The following LUZP2 variants were observed in gnomAD, a reference collection of about 807,000 sequenced individuals.
The protein encoded by LUZP2 is leucine zipper protein 2.
Under a neutral mutation model 51.6 loss-of-function variants are expected in LUZP2, and 52 were observed. That is an observed-to-expected ratio of 1.01 (90% CI 0.81 to 1.27). The LOEUF (loss-of-function observed/expected upper bound fraction) is 1.27. LUZP2 is among the 50% of genes most tolerant of loss of function. LUZP2 has a pLI of 0.00. For missense variants in LUZP2, 436 were observed against 395.4 expected (o/e 1.10, Z -0.87); for synonymous variants, 154 against 137.3 (o/e 1.12, Z -0.85).
chr11:24,526,038 T>G (rs1331814774), intron 1 of LUZP2, among the ~76,000 whole-genome samples: 1 of 151,548 alleles, frequency 6.6e-6, no homozygotes, highest in African/African-American at 2.4e-5. Flanking sequence ...ACTGAGGTAC[T>G]TTCAATATTT....
At chr11:24,973,505 T>A (rs1226404038) in intron 7 of LUZP2, among the ~76,000 whole-genome samples, 2 of 151,952 alleles carry the variant, frequency 1.3e-5, no homozygotes, top group African/African-American at 4.8e-5. Flanking sequence ...TTGCTCTTGG[T>A]CCTCTAGTTC....
chr11:24,579,622 T>C (rs1328721840), intron 1 of LUZP2, among the ~76,000 whole-genome samples: 1 of 152,104 alleles, frequency 6.6e-6, no homozygotes, highest in Non-Finnish European at 1.5e-5. Context: ...AATTCTGTGA[T>C]CATGATCATA....
At chr11:24,788,896 A>G (rs959489395) in intron 5 of LUZP2, among the ~76,000 whole-genome samples, 4 of 152,130 alleles carry the variant, frequency 2.6e-5, no homozygotes, top group East Asian at 3.9e-4. Flanking sequence ...ATGAAGGGCA[A>G]TCTCTTTACT....
At chr11:24,995,332 G>C (rs1834099377) in intron 9 of LUZP2, among the ~76,000 whole-genome samples, 1 of 152,172 alleles carries the variant, frequency 6.6e-6, no homozygotes, top group South Asian at 2.1e-4. Context: ...GGCAGAGATT[G>C]CAGTGAGCAC....
intron 7 of LUZP2, among the ~76,000 whole-genome samples, chr11:24,963,479 C>A (rs1285444354): frequency 7.2e-5 from 11 of 152,320 alleles, no homozygotes; most frequent in Non-Finnish European, 1.5e-4. Flanking sequence ...GCGGGTGCCC[C>A]TCCCCCAGCC....
intron 1 of LUZP2, among the ~76,000 whole-genome samples, chr11:24,627,370 G>T (rs1262621495): frequency 6.6e-6 from 1 of 152,184 alleles, no homozygotes; most frequent in Non-Finnish European, 1.5e-5. Flanking sequence ...GGCCAGAAAT[G>T]TCAGTGCTCA....
chr11:24,819,514 T>C (rs1279257296), intron 5 of LUZP2, among the ~76,000 whole-genome samples: 1 of 152,152 alleles, frequency 6.6e-6, no homozygotes, highest in African/African-American at 2.4e-5. Flanking sequence ...GAAATCTCTA[T>C]AGGAATACAC....
At chr11:24,709,427 T>A (rs1461580270) in intron 1 of LUZP2, among the ~76,000 whole-genome samples, 8 of 152,146 alleles carry the variant, frequency 5.3e-5, no homozygotes, top group Non-Finnish European at 1.0e-4. Flanking sequence ...AAGGTATTTT[T>A]AAAATATATG....
intron 1 of LUZP2, among the ~76,000 whole-genome samples, chr11:24,661,911 AG>A (rs1856034117): frequency 6.6e-6 from 1 of 152,098 alleles, no homozygotes. Context: ...CACAAAGGAG[AG>A]GGGAGGCAGC....
intron 1 of LUZP2, among the ~76,000 whole-genome samples, chr11:24,679,407 T>C (rs1202215486): frequency 1.3e-5 from 2 of 152,022 alleles, no homozygotes; most frequent in Non-Finnish European, 2.9e-5. Context: ...ATTTTCTTAA[T>C]TATTTTTATT....
At chr11:24,716,331 C>G (rs1052861902) in intron 1 of LUZP2, among the ~76,000 whole-genome samples, 1 of 152,114 alleles carries the variant, frequency 6.6e-6, no homozygotes, top group African/African-American at 2.4e-5. Flanking sequence ...GTTCAACATA[C>G]TCTTGGAGGA....
chr11:24,898,549 G>A lies in LUZP2; in HGVS notation c.397-7442G>A, dbSNP rs543348506. Among the ~76,000 whole-genome samples the A allele has an allele frequency of 1.4e-4, 21 of 152,110 alleles. No individual in the cohort carries two copies. In the South Asian group the frequency reaches 3.1e-3, roughly 23 times the overall value. ...GAGGCAGGAGAATGGCATGAACTTG[G>A]GAAGCAGAGCTTACAGTGAGCCCAG... On this transcript the variant is annotated intron_variant, in intron 5 of 11. Transcript: ENST00000336930.
intron 4 of LUZP2, among the ~76,000 whole-genome samples, chr11:24,759,619 T>A (rs1859908522): frequency 6.6e-6 from 1 of 152,084 alleles, no homozygotes; most frequent in Non-Finnish European, 1.5e-5. Context: ...ATGGTATCAG[T>A]GAAAGAACAG....
chr11:24,667,461 A>G (rs1856254469), intron 1 of LUZP2, among the ~76,000 whole-genome samples: 2 of 152,150 alleles, frequency 1.3e-5, no homozygotes, highest in South Asian at 4.1e-4. Flanking sequence ...CTGGGATTAC[A>G]GGCATGAGCT....
chr11:24,748,897 T>C (rs1207439647), intron 4 of LUZP2, among the ~76,000 whole-genome samples: 5 of 152,114 alleles, frequency 3.3e-5, no homozygotes. Flanking sequence ...AAAAGAAGAG[T>C]AATATATTTC....
chr11:24,752,535 C>A (rs1027186982), intron 4 of LUZP2, among the ~76,000 whole-genome samples: 1 of 152,114 alleles, frequency 6.6e-6, no homozygotes, highest in African/African-American at 2.4e-5. Context: ...TTTAGTTTTT[C>A]CTTTAGGAAA....
At chr11:24,606,867 CGTTTTGTTT>C (rs1286122357) in intron 1 of LUZP2, among the ~76,000 whole-genome samples, 1 of 151,752 alleles carries the variant, frequency 6.6e-6, no homozygotes, top group Non-Finnish European at 1.5e-5. Flanking sequence ...ATCTCATTGA[CGTTTTGTTT>C]TCCTTTTCCC....
At chr11:25,018,959 C>A (rs1482602155) in intron 9 of LUZP2, among the ~76,000 whole-genome samples, 5 of 152,104 alleles carry the variant, frequency 3.3e-5, no homozygotes, top group African/African-American at 1.2e-4. Context: ...AGACTCACAG[C>A]AAAATTGAGC....
intron 1 of LUZP2, among the ~76,000 whole-genome samples, chr11:24,615,699 T>C (rs889167098): frequency 1.3e-5 from 2 of 152,012 alleles, no homozygotes; most frequent in African/African-American, 4.8e-5. Flanking sequence ...AGTAGTAGCA[T>C]GTTTAGTTTC....
Sources: gnomAD v4.1 joint callset for allele counts (sites outside exome capture counted in the v4.1 genomes callset) on GRCh38, gnomAD v4.1.1 for gene constraint, MANE v1.5 for transcripts, NCBI Gene and HGNC (gene_info 2026-07-23, HGNC 2026-07-21) for gene names.